Variants in RABGAP1 observed in about 807,000 individuals in gnomAD.
RABGAP1 encodes the protein RAB GTPase activating protein 1, also known as rab GTPase-activating protein 1.
A neutral mutation model predicts 137.6 loss-of-function variants in RABGAP1; 23 were observed. The ratio of observed to expected loss-of-function variants is 0.17; its 90% CI spans 0.12 to 0.24. RABGAP1 has a LOEUF of 0.24. RABGAP1 is among the 10% of genes least tolerant of loss of function. RABGAP1 has a pLI of 1.00. For synonymous variants in RABGAP1, 451 were observed against 450.7 expected, an observed-to-expected ratio of 1.00 and a Z score of -0.01; for missense variants, 906 against 1,275.8, an observed-to-expected ratio of 0.71 and a Z score of 4.42.
intron 2 of RABGAP1, among the ~76,000 whole-genome samples, chr9:122,981,874 C>T (rs1046186151): frequency 2.0e-5 from 3 of 152,192 alleles, no homozygotes; most frequent in Non-Finnish European, 4.4e-5. Flanking sequence ...CATGGCAAAA[C>T]GCCGTCTCTA....
intron 4 of RABGAP1, among the ~76,000 whole-genome samples, chr9:122,988,338 C>T (rs921272833): frequency 2.0e-5 from 3 of 152,250 alleles, no homozygotes; most frequent in Non-Finnish European, 4.4e-5. Flanking sequence ...GTTGAAATTG[C>T]ATAGTTTCTT....
At chr9:122,974,886 G>T (rs1835684030) in intron 2 of RABGAP1, among the ~76,000 whole-genome samples, 1 of 152,134 alleles carries the variant, frequency 6.6e-6, no homozygotes, top group South Asian at 2.1e-4. Context: ...AAATCATAAA[G>T]AAATTTACTG....
intron 10 of RABGAP1, among the ~76,000 whole-genome samples, chr9:123,007,218 C>T (rs181360437): frequency 6.6e-6 from 1 of 151,684 alleles, no homozygotes; most frequent in Admixed American, 6.6e-5. Flanking sequence ...GGATTACAGG[C>T]ATGTGCTGCC....
chr9:123,048,438 G>A (rs1224897391), intron 13 of RABGAP1, among the ~76,000 whole-genome samples: 1 of 152,204 alleles, frequency 6.6e-6, no homozygotes, highest in Non-Finnish European at 1.5e-5. Flanking sequence ...TTGGTCCTCT[G>A]TGTGTCTGTG....
chr9:123,069,593 A>G (rs900085317), intron 14 of RABGAP1, among the ~76,000 whole-genome samples: 3 of 146,620 alleles, frequency 2.0e-5, no homozygotes, highest in Non-Finnish European at 3.0e-5. Context: ...AAAAAAATGC[A>G]GTGTGGGCCA....
chr9:123,019,072 A>G (rs1299712788), intron 12 of RABGAP1, among the ~76,000 whole-genome samples: 2 of 152,214 alleles, frequency 1.3e-5, no homozygotes, highest in Non-Finnish European at 2.9e-5. Flanking sequence ...AGGTCAAATA[A>G]GATACTGTAT....
intron 14 of RABGAP1, among the ~76,000 whole-genome samples, chr9:123,065,885 A>C (rs2034154584): frequency 6.6e-6 from 1 of 152,244 alleles, no homozygotes; most frequent in African/African-American, 2.4e-5. Flanking sequence ...GCAGCATAGT[A>C]AATGATGGAA....
At chr9:123,088,610 C>A (rs1315462694) in intron 19 of RABGAP1, among the ~76,000 whole-genome samples, 1 of 151,998 alleles carries the variant, frequency 6.6e-6, no homozygotes, top group East Asian at 1.9e-4. Context: ...ATCAACTTGC[C>A]ACAGGATGTC....
At chr9:123,090,430 G>T in intron 21 of RABGAP1, 45 bp downstream of exon 21, 1 of 1,442,602 alleles carries the variant, frequency 6.9e-7, no homozygotes, top group Non-Finnish European at 9.5e-7. Context: ...TGAGACACTT[G>T]ACTTTTCCCC....
At chr9:123,041,279 C>T (rs2032938610) in intron 13 of RABGAP1, among the ~76,000 whole-genome samples, 1 of 152,196 alleles carries the variant, frequency 6.6e-6, no homozygotes, top group Non-Finnish European at 1.5e-5. Flanking sequence ...GGATTCAAAT[C>T]TAGGACTTCT....
intron 1 of RABGAP1, among the ~76,000 whole-genome samples, chr9:122,942,833 A>G (rs1486252760): frequency 6.6e-6 from 1 of 152,058 alleles, no homozygotes; most frequent in Admixed American, 6.6e-5. Flanking sequence ...TCAAGATATT[A>G]ACTCAGATTC....
intron 19 of RABGAP1, among the ~76,000 whole-genome samples, chr9:123,077,710 T>G (rs2034566848): frequency 6.7e-6 from 1 of 150,000 alleles, no homozygotes; most frequent in African/African-American, 2.4e-5. Flanking sequence ...CTGTGGGGCT[T>G]TTTTTGAGAC....
intron 16 of RABGAP1, 124 bp from the exon 17 acceptor site, chr9:123,074,161 G>A: frequency 8.6e-7 from 1 of 1,165,818 alleles, no homozygotes; most frequent in Non-Finnish European, 1.2e-6. Context: ...TAAGCACTTT[G>A]GAGATTTTTA....
intron 21 of RABGAP1, among the ~76,000 whole-genome samples, chr9:123,097,267 G>A (rs559031318): frequency 2.6e-5 from 4 of 152,328 alleles, no homozygotes; most frequent in African/African-American, 9.6e-5. Flanking sequence ...CCTTTATCAG[G>A]TAATAACAAG....
intron 21 of RABGAP1, among the ~76,000 whole-genome samples, chr9:123,095,047 G>C (rs1228799279): frequency 6.6e-6 from 1 of 151,600 alleles, no homozygotes; most frequent in African/African-American, 2.4e-5. Context: ...CTTTTCAAAA[G>C]CCAGCTTTAG....
chr9:122,947,274 A>G (rs1032317092), intron 1 of RABGAP1, among the ~76,000 whole-genome samples: 4 of 152,224 alleles, frequency 2.6e-5, no homozygotes, highest in Non-Finnish European at 5.9e-5. Context: ...TGCTTATATG[A>G]TACACCTAGA....
intron 11 of RABGAP1, among the ~76,000 whole-genome samples, chr9:123,013,622 C>T (rs539475968): frequency 2.1e-4 from 32 of 152,246 alleles, no homozygotes; most frequent in African/African-American, 4.3e-4. Context: ...TGTGAGCCAC[C>T]GTGCCGGGCC....
At chr9:122,949,103 C>T (rs748122960) in intron 1 of RABGAP1, among the ~76,000 whole-genome samples, 13 of 152,160 alleles carry the variant, frequency 8.5e-5, no homozygotes, top group African/African-American at 1.2e-4. Flanking sequence ...GGGCTAGGTG[C>T]GGTGGCTCAC....
chr9:122,938,703 A>G (rs924385704), upstream of RABGAP1: 20 of 152,204 alleles, frequency 1.3e-4, no homozygotes, highest in Admixed American at 1.0e-3. Context: ...AATATCTAAC[A>G]TGTTAGATTC....
Sources: allele counts gnomAD v4.1 joint callset (sites outside exome capture counted in the v4.1 genomes callset), GRCh38; gene constraint gnomAD v4.1.1; transcripts MANE v1.5; gene names NCBI Gene and HGNC (gene_info 2026-07-23, HGNC 2026-07-21).